Variants in IHO1 observed in about 807,000 individuals in gnomAD.
IHO1 encodes interactor of HORMAD1 1.
Under a neutral mutation model 31.0 loss-of-function variants are expected in IHO1, and 13 were observed. The observed-to-expected ratio is 0.42, with a 90% confidence interval of 0.27 to 0.67. The LOEUF (loss-of-function observed/expected upper bound fraction) is 0.67. Among genes scored for constraint, IHO1 ranks in the 30% least tolerant of loss-of-function variants. The probability of loss-of-function intolerance (pLI) is 0.24; values close to 1 mark genes in which losing one functional copy is unlikely to be tolerated. For synonymous variants in IHO1, 221 were observed against 248.4 expected, an observed-to-expected ratio of 0.89 and a Z score of 1.04; for missense variants, 599 against 687.5, an observed-to-expected ratio of 0.87 and a Z score of 1.44.
intron 6 of IHO1, among the ~76,000 whole-genome samples, chr3:49,250,449 A>G (rs942166147): frequency 2.0e-5 from 3 of 152,220 alleles, no homozygotes; most frequent in African/African-American, 7.2e-5. Flanking sequence ...CTTTCTGAGC[A>G]CTTAATCCAG....
chr3:49,251,679 G>A (rs535487507), intron 6 of IHO1, among the ~76,000 whole-genome samples: 3 of 150,562 alleles, frequency 2.0e-5, no homozygotes, highest in African/African-American at 4.9e-5. Context: ...TCGGCTCACC[G>A]CAACCTCTGC....
rs536277405 is a variant in IHO1 at position 49,203,283 on chromosome 3, G to T, written c.-16+3710G>T. Among the ~76,000 whole-genome samples the T allele has an allele frequency of 1.2e-4, 19 of 152,310 alleles. No homozygotes were observed. The South Asian group carries it at 3.7e-3, about 30-fold the overall frequency. On this transcript the variant is annotated intron_variant, in intron 1 of 7. Coordinates refer to ENST00000452691, the MANE Select transcript of IHO1 (RefSeq NM_001135197.2). ...CAGCACGCAAAAGCGACATGAAACTGCTTGTGCCCAGCAAGGGAAAACAAC... is the reference window on the plus strand; with the variant it reads ...CAGCACGCAAAAGCGACATGAAACTTCTTGTGCCCAGCAAGGGAAAACAAC...
intron 6 of IHO1, chr3:49,252,010 T>C (rs1158974817): frequency 6.6e-6 from 1 of 152,122 alleles, no homozygotes; most frequent in East Asian, 1.9e-4. Flanking sequence ...TTTGTATTTT[T>C]AGTAGAGGCC....
At chr3:49,223,177 A>G in intron 2 of IHO1, among the ~76,000 whole-genome samples, 1 of 152,192 alleles carries the variant, frequency 6.6e-6, no homozygotes, top group Non-Finnish European at 1.5e-5. Context: ...TTTCATATGG[A>G]CTGAGCCCCA....
At chr3:49,226,230 G>A (rs541287953) in intron 2 of IHO1, among the ~76,000 whole-genome samples, 1 of 151,828 alleles carries the variant, frequency 6.6e-6, no homozygotes, top group South Asian at 2.1e-4. Flanking sequence ...TGTTCCTCTT[G>A]GTCCCTACAC....
At chr3:49,254,419 G>T (rs1575589793) in intron 6 of IHO1, among the ~76,000 whole-genome samples, 1 of 152,266 alleles carries the variant, frequency 6.6e-6, no homozygotes, top group Non-Finnish European at 1.5e-5. Flanking sequence ...TAAATAAGTG[G>T]AGGGCAATAA....
At chr3:49,238,089 G>C (rs144127643) in intron 3 of IHO1, among the ~76,000 whole-genome samples, 1 of 151,546 alleles carries the variant, frequency 6.6e-6, no homozygotes, top group East Asian at 1.9e-4. Context: ...GTTTTTAGTA[G>C]AGACAGTGTT....
At chr3:49,191,676 A>G in the IHO1 span, 1 of 1,528,026 alleles carries the variant, frequency 6.5e-7, no homozygotes, top group Non-Finnish European at 9.0e-7. Flanking sequence ...CTTCACCGGC[A>G]TGACTCAGTC....
intron 2 of IHO1, among the ~76,000 whole-genome samples, chr3:49,230,209 A>G (rs988129285): frequency 2.0e-5 from 3 of 152,144 alleles, no homozygotes; most frequent in Non-Finnish European, 4.4e-5. Context: ...TAGCTCCAAC[A>G]TTTTCCCTTT....
intron 2 of IHO1, among the ~76,000 whole-genome samples, chr3:49,230,871 G>A (rs1203668496): frequency 6.6e-6 from 1 of 152,176 alleles, no homozygotes; most frequent in Non-Finnish European, 1.5e-5. Context: ...TATGCCATGA[G>A]TAATCTATTT....
intron 2 of IHO1, among the ~76,000 whole-genome samples, chr3:49,215,176 C>T (rs2046273665): frequency 6.6e-6 from 1 of 151,526 alleles, no homozygotes; most frequent in Non-Finnish European, 1.5e-5. Flanking sequence ...TTAGCGCCCC[C>T]AGTAGCTGGG....
At chr3:49,221,921 C>T (rs563932025) in intron 2 of IHO1, among the ~76,000 whole-genome samples, 2 of 152,276 alleles carry the variant, frequency 1.3e-5, no homozygotes, top group African/African-American at 4.8e-5. Flanking sequence ...TTCCTATAAA[C>T]GCCGGGTGGC....
At chr3:49,239,812 G>A (rs1339216825) in intron 3 of IHO1, among the ~76,000 whole-genome samples, 1 of 151,774 alleles carries the variant, frequency 6.6e-6, no homozygotes, top group Non-Finnish European at 1.5e-5. Context: ...ACAGGCATGC[G>A]CACCACGCCT....
chr3:49,247,141 G>T (rs1004916862), intron 6 of IHO1, among the ~76,000 whole-genome samples: 1 of 151,770 alleles, frequency 6.6e-6, no homozygotes, highest in African/African-American at 2.4e-5. Flanking sequence ...GAGCTACCGC[G>T]CCTGGCAGGT....
At chr3:49,226,420 C>T (rs935559848) in intron 2 of IHO1, among the ~76,000 whole-genome samples, 4 of 151,686 alleles carry the variant, frequency 2.6e-5, no homozygotes, top group African/African-American at 4.8e-5. Context: ...CGTAACCGCG[C>T]GAGGAAGGCA....
intron 1 of IHO1, among the ~76,000 whole-genome samples, chr3:49,206,531 G>T (rs1216368869): frequency 6.6e-6 from 1 of 151,944 alleles, no homozygotes; most frequent in Non-Finnish European, 1.5e-5. Context: ...ACCCGGCCCA[G>T]AGGTCACTTT....
At chr3:49,221,222 G>A (rs182459172) in intron 2 of IHO1, among the ~76,000 whole-genome samples, 13 of 152,056 alleles carry the variant, frequency 8.5e-5, no homozygotes, top group Admixed American at 1.3e-4. Flanking sequence ...GACACAGAGC[G>A]CTGATTGGTG....
intron 6 of IHO1, among the ~76,000 whole-genome samples, chr3:49,247,545 T>C (rs2046709775): frequency 6.6e-6 from 1 of 151,260 alleles, no homozygotes; most frequent in Non-Finnish European, 1.5e-5. Context: ...TCCCAGCACT[T>C]TGGGAGGCCA....
intron 2 of IHO1, among the ~76,000 whole-genome samples, chr3:49,224,519 A>G (rs182388373): frequency 2.6e-4 from 40 of 152,340 alleles, no homozygotes; most frequent in African/African-American, 9.1e-4. Flanking sequence ...TTAGATAACC[A>G]TACTTGCTAT....
Sources: allele counts gnomAD v4.1 joint callset (sites outside exome capture counted in the v4.1 genomes callset), GRCh38; gene constraint gnomAD v4.1.1; transcripts MANE v1.5; gene names NCBI Gene and HGNC (gene_info 2026-07-23, HGNC 2026-07-21).